CAGE1: variants seen among roughly 807,000 people sequenced by gnomAD.
CAGE1 encodes the protein cancer-associated gene 1 protein.
A neutral mutation model predicts 94.9 loss-of-function variants in CAGE1; 66 were observed. The observed-to-expected ratio is 0.70, with a 90% CI of 0.57 to 0.85. The LOEUF is 0.85. Among genes scored for constraint, CAGE1 ranks in the 40% least tolerant of loss-of-function variants. The pLI is 0.00. For synonymous variants in CAGE1, 319 were observed against 321.0 expected (o/e 0.99, Z 0.07); for missense variants, 865 against 950.4 (o/e 0.91, Z 1.18).
Position 7,326,663 on chromosome 6 carries a change from T to C in CAGE1, c.*195A>G, listed in dbSNP as rs41302879. The C allele has an allele frequency of 6.9e-3, 3,896 of 565,628 alleles. 44 individuals carry two copies. Among genetic ancestry groups the C allele is most frequent in the South Asian group, 0.031 (1,480 of 47,976 alleles). 35.0% of individuals were successfully genotyped at this position (565,628 alleles called of 1,614,324 possible). A position where few individuals can be genotyped will look rare whatever the true frequency, so the allele number is the denominator to read the frequency against. On this transcript the variant is annotated 3_prime_UTR_variant, in exon 14 of 14. Transcript: ENST00000502583. ...AAAAACCACTGTATTCTTCTGTTTA[T>C]GTTAAATAGAATATATTTGATTATT... is the stretch of plus-strand genomic sequence containing the variant.
chr6:7,341,762 C>A, intron 11 of CAGE1: 1 of 687,406 alleles, frequency 1.5e-6, no homozygotes. Flanking sequence ...AGAACCATGG[C>A]CAGTGCAGAG....
In CAGE1 at chr6:7,339,324, C is replaced by A. The variant is rs1759082342; in HGVS notation, c.2370-5234G>T. 1 of 1,592,716 alleles carries A rather than the reference C, an allele frequency of 6.3e-7. No individual in the cohort carries two copies. The highest frequency in any genetic ancestry group is 1.1e-5 in the South Asian group (1 of 90,638). ...CTCTTCAGCATAAAGCTCTACACTG[C>A]CCTCTGGAGAGCCAAACCTCTTCTG... On this transcript the variant is annotated intron_variant, in intron 11 of 13. Transcript: ENST00000502583. The surrounding 1 kb of genome is among the most constrained non-coding windows in gnomAD (Gnocchi z 4.7).
At chr6:7,338,979 T>G in intron 11 of CAGE1, 3 of 1,609,440 alleles carry the variant, frequency 1.9e-6, no homozygotes, top group Non-Finnish European at 2.5e-6. Context: ...AGGGCCAATC[T>G]TACCAGTTGG....
chr6:7,333,625 A>AT, intron 12 of CAGE1, among the ~76,000 whole-genome samples: 1 of 88,886 alleles, frequency 1.1e-5, no homozygotes, highest in Admixed American at 1.1e-4. Flanking sequence ...GTATTATCTA[A>AT]CTATCTATCT....
At chr6:7,327,143 C>T (rs1758566631) in intron 13 of CAGE1, among the ~76,000 whole-genome samples, 1 of 152,136 alleles carries the variant, frequency 6.6e-6, no homozygotes, top group African/African-American at 2.4e-5. Context: ...AGCTCTGCCT[C>T]CCAGGTTCAA....
At chr6:7,345,985 T>C (rs1561852922) in intron 11 of CAGE1, among the ~76,000 whole-genome samples, 1 of 152,184 alleles carries the variant, frequency 6.6e-6, no homozygotes, top group Non-Finnish European at 1.5e-5. Flanking sequence ...CCTCAAACTC[T>C]ATTAAATTTT....
chr6:7,389,553 G>T lies in CAGE1; in HGVS notation c.-375C>A. Reference sequence around the variant, plus strand: ...GAGAGTGGTGAAGTTAGGAAGGTACGACCCCCTAGGCCGAACAGCCTGTGG... The same window carrying T: ...GAGAGTGGTGAAGTTAGGAAGGTACTACCCCCTAGGCCGAACAGCCTGTGG... On this transcript the variant is annotated 5_prime_UTR_variant, in exon 1 of 14. Transcript: ENST00000502583. 2.9e-6 allele frequency: 1 copy of T among 343,346 alleles called. No individual in the cohort carries two copies. 21.3% of individuals were successfully genotyped at this position (343,346 alleles called of 1,614,324 possible). A position where few individuals can be genotyped will look rare whatever the true frequency, so the allele number is the denominator to read the frequency against.
intron 12 of CAGE1, among the ~76,000 whole-genome samples, chr6:7,330,358 G>C (rs554121933): frequency 6.6e-6 from 1 of 152,292 alleles, no homozygotes; most frequent in South Asian, 2.1e-4. Context: ...TTGCACTGCA[G>C]CCTGGGTAGC....
intron 4 of CAGE1, among the ~76,000 whole-genome samples, chr6:7,376,071 T>C (rs1185287728): frequency 2.0e-5 from 3 of 152,084 alleles, no homozygotes; most frequent in African/African-American, 7.2e-5. Flanking sequence ...AGTGTGTTAG[T>C]TATCACAAGT....
chr6:7,368,334 T>A (rs1180065415), intron 7 of CAGE1, among the ~76,000 whole-genome samples: 4 of 151,764 alleles, frequency 2.6e-5, no homozygotes, highest in Non-Finnish European at 1.5e-5. Flanking sequence ...TTCAGCCACC[T>A]GAGAAATAAA....
At chr6:7,328,141 G>A (rs1025142282) in intron 13 of CAGE1, among the ~76,000 whole-genome samples, 1 of 152,148 alleles carries the variant, frequency 6.6e-6, no homozygotes, top group Non-Finnish European at 1.5e-5. Flanking sequence ...GGCAGCAGCT[G>A]TGTCTGCTGT....
chr6:7,386,808 A>G (rs939665646), intron 2 of CAGE1, among the ~76,000 whole-genome samples, 171 bp downstream of exon 2: 13 of 152,176 alleles, frequency 8.5e-5, no homozygotes, highest in Admixed American at 5.9e-4. Flanking sequence ...GCTGGTCAAA[A>G]TGTATCTTAC....
intron 1 of CAGE1, 93 bp from the exon 2 acceptor site, chr6:7,387,289 C>A (rs1761154181): frequency 1.5e-6 from 1 of 661,936 alleles, no homozygotes; most frequent in Non-Finnish European, 2.6e-6. Flanking sequence ...GTTCACTGCC[C>A]TTATTTGAAA....
At chr6:7,377,384 T>C (rs1272810493) in intron 4 of CAGE1, among the ~76,000 whole-genome samples, 1 of 152,210 alleles carries the variant, frequency 6.6e-6, no homozygotes, top group Non-Finnish European at 1.5e-5. Flanking sequence ...TTCAAAAAAA[T>C]GAAAATGCTC....
At chr6:7,345,893 C>T (rs1352142586) in intron 11 of CAGE1, among the ~76,000 whole-genome samples, 4 of 152,136 alleles carry the variant, frequency 2.6e-5, no homozygotes. Flanking sequence ...CCACTGCACT[C>T]CAGCCTGGGT....
chr6:7,335,673 G>A (rs775137705), intron 11 of CAGE1, among the ~76,000 whole-genome samples: 25 of 152,248 alleles, frequency 1.6e-4, no homozygotes, highest in Non-Finnish European at 3.1e-4. Context: ...TCAAACTCCC[G>A]GGCTGAAGCA....
chr6:7,363,847 T>C (rs1170181694), intron 9 of CAGE1, among the ~76,000 whole-genome samples: 1 of 152,274 alleles, frequency 6.6e-6, no homozygotes, highest in Non-Finnish European at 1.5e-5. Context: ...GCCATTATGA[T>C]AACTGCTTAC....
intron 12 of CAGE1, chr6:7,331,351 CA>C: frequency 1.9e-6 from 2 of 1,048,434 alleles, no homozygotes; most frequent in Non-Finnish European, 2.7e-6. Flanking sequence ...CTGGACAAGG[CA>C]AATCCCAGGA....
chr6:7,329,422 G>A (rs1388563563), intron 13 of CAGE1, among the ~76,000 whole-genome samples: 1 of 152,174 alleles, frequency 6.6e-6, no homozygotes, highest in African/African-American at 2.4e-5. Flanking sequence ...TCGCCAAGGA[G>A]CTCAGATTTG....
Sources: gnomAD v4.1 joint callset for allele counts (sites outside exome capture counted in the v4.1 genomes callset) on GRCh38, gnomAD v4.1.1 for gene constraint, Gnocchi (gnomAD v3.1) non-coding constraint, MANE v1.5 for transcripts, NCBI Gene and HGNC (gene_info 2026-07-23, HGNC 2026-07-21) for gene names.